DES: variants seen among roughly 807,000 people sequenced by gnomAD.
The protein encoded by DES is cardiomyopathy, dilated 1F (autosomal dominant).
Under a neutral mutation model 55.1 loss-of-function variants are expected in DES, and 34 were observed. The observed-to-expected ratio is 0.62, with a 90% CI of 0.47 to 0.82. The LOEUF (loss-of-function observed/expected upper bound fraction) is 0.82. Among genes scored for constraint, DES ranks in the 40% least tolerant of loss-of-function variants. The probability of loss-of-function intolerance (pLI) is 0.00; values close to 1 mark genes in which losing one functional copy is unlikely to be tolerated. For missense variants in DES, 596 were observed against 645.9 expected (o/e 0.92, Z 0.84); for synonymous variants, 259 against 270.8 (o/e 0.96, Z 0.43).
At position 219,420,042 on chromosome 2, in the gene DES, C is replaced by T; in HGVS notation, c.579-53C>T. 1 of 1,606,146 alleles carries T rather than the reference C, an allele frequency of 6.2e-7. No individual in the cohort carries two copies. The highest frequency in any genetic ancestry group is 8.5e-7 in the Non-Finnish European group (1 of 1,172,854). On this transcript the variant is annotated intron_variant, in intron 1 of 8. Transcript: ENST00000373960. The surrounding 1 kb of genome is among the most constrained non-coding windows in gnomAD (Gnocchi z 6.0). ...TGGTCAGCCCCCGGCCAGTCGTTTC[C>T]ACTGCCAGCTTTATCACCCGCAACT...
chr2:219,421,650 T>A, intron 6 of DES, 90 bp downstream of exon 6: 12 of 1,197,014 alleles, frequency 1.0e-5, no homozygotes, highest in Non-Finnish European at 1.4e-5. Context: ...ACTGATTACC[T>A]CAACAAGACC....
intron 5 of DES, among the ~76,000 whole-genome samples, 190 bp downstream of exon 5, chr2:219,421,143 T>C (rs913819064): frequency 6.6e-6 from 1 of 152,222 alleles, no homozygotes; most frequent in African/African-American, 2.4e-5. Flanking sequence ...CATCTACCTA[T>C]GTGGGGACTG....
At position 219,419,155 on chromosome 2, in the gene DES, C is replaced by A. The variant is rs1232226686; in HGVS notation, c.578+115C>A. 4.6e-6 allele frequency: 7 copies of A among 1,516,698 alleles called. No homozygotes were observed. The highest frequency in any genetic ancestry group is 6.2e-6 in the Non-Finnish European group (7 of 1,137,470). The allele number at this position is 1,516,698 out of a possible 1,614,324, so 94.0% of individuals were successfully genotyped here. A position where few individuals can be genotyped will look rare whatever the true frequency, so the allele number is the denominator to read the frequency against. The stretch of plus-strand genomic sequence containing the variant: ...CTTCTCCCGGGGCCCGGGACCCTCT[C>A]CTGCCCCATGTGGAGAAAGGGTCCT... On this transcript the variant is annotated intron_variant, in intron 1 of 8. Coordinates refer to ENST00000373960, the MANE Select transcript of DES (RefSeq NM_001927.4). This position sits in a 1 kb window ranked among gnomAD's most constrained non-coding sequence, Gnocchi z 4.3.
At position 219,420,683 on chromosome 2, in the gene DES, A is replaced by G; in HGVS notation, c.897+27A>G. ...TGGGTGGCCTCGCCCGGGGACTGGC[A>G]TCTCCGTCCCCCTGAATCCCAGCTT... On this transcript the variant is annotated intron_variant, in intron 4 of 8. Coordinates refer to ENST00000373960, the MANE Select transcript of DES (RefSeq NM_001927.4). This position sits in a 1 kb window ranked among gnomAD's most constrained non-coding sequence, Gnocchi z 6.0. 6.2e-7 allele frequency: 1 copy of G among 1,614,002 alleles called. No individual in the cohort carries two copies. The highest frequency in any genetic ancestry group is 8.5e-7 in the Non-Finnish European group (1 of 1,179,992).
In DES at chr2:219,418,830, TC is replaced by T. The variant is rs747289875; in HGVS notation, c.369del (p.Ile123MetfsTer18). ...CTCAATGACCGCTTCGCCAACTACA[TC>T]GAGAAGGTGCGCTTCCTGGAGCAGC... Reference protein sequence around the residue: ...QELNDRFANYIEKVRFLEQQN... With the variant: ...QELNDRFANYXEKVRFLEQQN... On this transcript the variant is annotated frameshift_variant, in exon 1 of 9. Transcript: ENST00000373960. LOFTEE classifies it high-confidence loss of function. The T allele has an allele frequency of 2.5e-6, 4 of 1,581,994 alleles. No homozygotes were observed. The South Asian group carries it at 4.6e-5, about 18-fold the overall frequency.
intron 5 of DES, 83 bp downstream of exon 5, chr2:219,421,036 A>C: frequency 6.5e-7 from 1 of 1,546,926 alleles, no homozygotes; most frequent in Non-Finnish European, 8.8e-7. Context: ...GGCCCATCAT[A>C]GATCCTCTCT....
chr2:219,423,698 C>A, intron 6 of DES, 79 bp from the exon 7 acceptor site: 1 of 1,467,096 alleles, frequency 6.8e-7, no homozygotes, highest in Non-Finnish European at 9.5e-7. Flanking sequence ...CTCGGCCTTT[C>A]AAAGTGCTGG....
chr2:219,418,505 C>A lies in DES; in HGVS notation c.43C>A (p.Arg15Ser), dbSNP rs756390565. Residue 15 changes from arginine to serine, a missense_variant, in exon 1 of 9, where the codon CGC becomes AGC. Transcript: ENST00000373960. The part of the protein sequence containing the change: ...YSSSQRVSSY[R>S]RTFGGAPGFP... ...GTCCAGCCAGCGCGTGTCCTCCTAC[C>A]GCCGCACCTTCGGCGGGGCCCCGGG... 2.5e-6 allele frequency: 4 copies of A among 1,603,158 alleles called. No homozygotes were observed. Among genetic ancestry groups the A allele is most frequent in the East Asian group, 4.6e-5 (2 of 43,862 alleles).
rs753745620 is a variant in DES at position 219,420,634 on chromosome 2, C to G, written c.875C>G (p.Ala292Gly). 6.2e-7 allele frequency: 1 copy of G among 1,614,034 alleles called. No individual in the cohort carries two copies. ...ETIAAKNISE[A>G]EEWYKSKVSD... ...ATCGCGGCTAAGAACATTTCTGAAG[C>G]TGAGGAGTGGTACAAGTCGAAGGTG... Residue 292 changes from alanine to glycine, a missense_variant, in exon 4 of 9, where the codon GCT becomes GGT. By Grantham distance (60) the Ala-to-Gly change is moderately conservative. Coordinates refer to ENST00000373960, the MANE Select transcript of DES (RefSeq NM_001927.4). This position sits in a 1 kb window ranked among gnomAD's most constrained non-coding sequence, Gnocchi z 6.0.
At position 219,419,835 on chromosome 2, in the gene DES, A is replaced by G. The variant is rs549240113; in HGVS notation, c.579-260A>G. ...ACACAGAGGTGGATAAAATAGACAC[A>G]GTTTCTAACCCCAGGGAGGTCACAC... On this transcript the variant is annotated intron_variant, in intron 1 of 8. Transcript: ENST00000373960. The surrounding 1 kb of genome is among the most constrained non-coding windows in gnomAD (Gnocchi z 4.3). 2.6e-5 allele frequency among the ~76,000 whole-genome samples: 4 copies of G among 152,310 alleles called. 1 individual carries two copies. The South Asian group carries it at 8.3e-4, about 32-fold the overall frequency.
rs200580581 is a variant in DES, at chr2:219,423,818, G to A, written c.1286G>A (p.Arg429Gln). ...CAGACCTACTCTGCCCTCAACTTCC[G>A]AGGTGAGTGTCTGCTGGCAGGCGGA... The part of the protein sequence containing the change: ...PIQTYSALNF[R>Q]ETSPEQRGSE... The change falls in exon 7 of 9, where the codon CGA becomes CAA. Residue 429 changes from arginine to glutamine, a missense_variant and splice_region_variant. Arg to Gln is a conservative substitution (Grantham distance 43). Transcript: ENST00000373960. The A allele has an allele frequency of 4.6e-5, 74 of 1,613,766 alleles. No homozygotes were observed. Among genetic ancestry groups the A allele is most frequent in the South Asian group, 1.2e-4 (11 of 91,082 alleles).
At position 219,420,068 on chromosome 2, in the gene DES, G is replaced by A. The variant is rs1285197831; in HGVS notation, c.579-27G>A. On this transcript the variant is annotated intron_variant, in intron 1 of 8. Coordinates refer to ENST00000373960, the MANE Select transcript of DES (RefSeq NM_001927.4). The surrounding 1 kb of genome is among the most constrained non-coding windows in gnomAD (Gnocchi z 6.0). ...ACTGCCAGCTTTATCACCCGCAACTGTCTGTCTTTCTGTCTGTCCCACCCA... is the reference window on the plus strand; with the variant it reads ...ACTGCCAGCTTTATCACCCGCAACTATCTGTCTTTCTGTCTGTCCCACCCA... 3 of 1,613,864 alleles carry A rather than the reference G, an allele frequency of 1.9e-6. No homozygotes were observed. Among genetic ancestry groups the A allele is most frequent in the Admixed American group, 3.3e-5 (2 of 60,014 alleles).
Position 219,425,747 on chromosome 2 carries a change from T to TCGTCAGTGAGGCCACACAGCAGCAGCATG in DES, c.1371+2_1371+3insCGTCAGTGAGGCCACACAGCAGCAGCATG. 1.9e-6 allele frequency: 3 copies of TCGTCAGTGAGGCCACACAGCAGCAGCATG among 1,600,688 alleles called. No homozygotes were observed. The highest frequency in any genetic ancestry group is 2.6e-6 in the Non-Finnish European group (3 of 1,174,776). On this transcript the variant is annotated splice_region_variant and intron_variant, in intron 8 of 8. Transcript: ENST00000373960. ...ACCATCGAGACACGGGATGGGGAGG[T>TCGTCAGTGAGGCCACACAGCAGCAGCATG]AAGTGGTCTGTCTGGGCTCCTTACC...
chr2:219,423,518 C>T (rs1218983660), intron 6 of DES, among the ~76,000 whole-genome samples: 3 of 150,186 alleles, frequency 2.0e-5, no homozygotes, highest in Non-Finnish European at 4.4e-5. Context: ...CCGCTCACTG[C>T]AAGCTCCACC....
In DES at chr2:219,426,669, C is replaced by G. The variant is rs1406377177; in HGVS notation, c.*679C>G. The G allele has an allele frequency of 6.4e-6, 1 of 155,684 alleles. No individual in the cohort carries two copies. The highest frequency in any genetic ancestry group is 1.9e-4 in the East Asian group (1 of 5,226). The allele number at this position is 155,684 out of a possible 1,614,324, so 9.6% of individuals were successfully genotyped here. A position where few individuals can be genotyped will look rare whatever the true frequency, so the allele number is the denominator to read the frequency against. ...AGGCTGGTGGGAGGGGCGCCCACCT[C>G]CCCACGCCCTCCCCTCCCCTGCTGC... is the stretch of plus-strand genomic sequence containing the variant. On this transcript the variant is annotated 3_prime_UTR_variant, in exon 9 of 9. Transcript: ENST00000373960. This position sits in a 1 kb window ranked among gnomAD's most constrained non-coding sequence, Gnocchi z 4.5.
chr2:219,425,964 A>G lies in DES; in HGVS notation c.1387A>G (p.Thr463Ala), dbSNP rs1415077759. The G allele has an allele frequency of 1.9e-6, 3 of 1,614,018 alleles. No homozygotes were observed. ...TRDGEVVSEA[T>A]QQQHEVL ...TCCTCCCCAGGTCGTCAGTGAGGCC[A>G]CACAGCAGCAGCATGAAGTGCTCTA... Residue 463 changes from threonine to alanine, a missense_variant, in exon 9 of 9, where the codon ACA becomes GCA. Physicochemically the swap from Thr to Ala is moderately conservative, Grantham distance 58 (BLOSUM62 0). Transcript: ENST00000373960.
At position 219,420,434 on chromosome 2, in the gene DES, A is replaced by T. The variant is rs1559352885; in HGVS notation, c.736-61A>T. On this transcript the variant is annotated intron_variant, in intron 3 of 8. Transcript: ENST00000373960. The surrounding 1 kb of genome is among the most constrained non-coding windows in gnomAD (Gnocchi z 6.0). Reference sequence around the variant, plus strand: ...TTGGGGTGAGGCTCTGGCTGGGAATAGGGGTGTGAGGGTGCTGTGTGGGCC... The same window carrying T: ...TTGGGGTGAGGCTCTGGCTGGGAATTGGGGTGTGAGGGTGCTGTGTGGGCC... The T allele has an allele frequency of 2.5e-6, 4 of 1,612,660 alleles. No homozygotes were observed. Among genetic ancestry groups the T allele is most frequent in the African/African-American group, 2.7e-5 (2 of 74,828 alleles).
At chr2:219,423,254 G>A (rs1308429865) in intron 6 of DES, among the ~76,000 whole-genome samples, 1 of 152,158 alleles carries the variant, frequency 6.6e-6, no homozygotes. Context: ...GCAGTTCACA[G>A]TTGAAATAAT....
rs1482716188 is a variant in DES at position 219,426,237 on chromosome 2, G to A, written c.*247G>A. Reference sequence around the variant, plus strand: ...TGAGCCTTGGCTGTTGGCAGTGAGTGAGCCTGGCTCTTGTGCTGGATGGAG... The same window carrying A: ...TGAGCCTTGGCTGTTGGCAGTGAGTAAGCCTGGCTCTTGTGCTGGATGGAG... On this transcript the variant is annotated 3_prime_UTR_variant, in exon 9 of 9. Coordinates refer to ENST00000373960, the MANE Select transcript of DES (RefSeq NM_001927.4). The surrounding 1 kb of genome is among the most constrained non-coding windows in gnomAD (Gnocchi z 4.5). The A allele has an allele frequency of 3.2e-6, 2 of 631,390 alleles. No homozygotes were observed. The highest frequency in any genetic ancestry group is 5.5e-5 in the East Asian group (2 of 36,110). The allele number at this position is 631,390 out of a possible 1,614,324, so 39.1% of individuals were successfully genotyped here. A position where few individuals can be genotyped will look rare whatever the true frequency, so the allele number is the denominator to read the frequency against.
Sources: gnomAD v4.1 joint callset for allele counts (sites outside exome capture counted in the v4.1 genomes callset) on GRCh38, gnomAD v4.1.1 for gene constraint, Gnocchi (gnomAD v3.1) non-coding constraint, MANE v1.5 for transcripts, NCBI Gene and HGNC (gene_info 2026-07-23, HGNC 2026-07-21) for gene names.